The following ADCY5 variants were observed in gnomAD, a reference collection of about 807,000 sequenced individuals.
ADCY5 encodes the protein adenylate cyclase type 5.
ADCY5 carries 30 observed loss-of-function variants against 119.7 expected under a neutral mutation model. That is an observed-to-expected ratio of 0.25 (90% CI 0.19 to 0.34). ADCY5 has a LOEUF of 0.34. Ranked by LOEUF, ADCY5 falls within the 10% of genes least tolerant of loss-of-function variation. The pLI, the probability that ADCY5 is intolerant of heterozygous loss-of-function variation, is 1.00. For synonymous variants in ADCY5, 753 were observed against 762.2 expected, an observed-to-expected ratio of 0.99 and a Z score of 0.20; for missense variants, 1,324 against 1,775.2, an observed-to-expected ratio of 0.75 and a Z score of 4.57.
chr3:123,391,564 G>A (rs1944401509), intron 1 of ADCY5, among the ~76,000 whole-genome samples: 2 of 152,114 alleles, frequency 1.3e-5, no homozygotes, highest in Non-Finnish European at 2.9e-5. Flanking sequence ...GCTGTCTCCA[G>A]TTGCCTTGTT....
chr3:123,299,815 G>A (rs1005039483), intron 15 of ADCY5, among the ~76,000 whole-genome samples: 70 of 152,222 alleles, frequency 4.6e-4, no homozygotes, highest in African/African-American at 1.6e-3. Flanking sequence ...CTGCTGGACC[G>A]TGACTCCTCT....
intron 1 of ADCY5, among the ~76,000 whole-genome samples, chr3:123,359,362 A>ATATATATATATATATATATATATATATT (rs1943162312): frequency 7.8e-6 from 1 of 128,464 alleles, no homozygotes; most frequent in Admixed American, 7.8e-5. Flanking sequence ...ATATATATAT[A>ATATATATATATATATATATATATATATT]TTCATTATTT....
At chr3:123,335,350 C>T (rs1223530209) in intron 3 of ADCY5, among the ~76,000 whole-genome samples, 1 of 152,168 alleles carries the variant, frequency 6.6e-6, no homozygotes, top group African/African-American at 2.4e-5. Context: ...AGTCCTCTCC[C>T]GATCTGTTGG....
chr3:123,447,694 C>T lies in ADCY5; in HGVS notation c.852G>A (p.Met284Ile). 1 of 1,604,626 alleles carries T rather than the reference C, an allele frequency of 6.2e-7. No individual in the cohort carries two copies. Among genetic ancestry groups the T allele is most frequent in the Non-Finnish European group, 8.5e-7 (1 of 1,174,506 alleles). Residue 284 changes from methionine to isoleucine, a missense_variant, in exon 1 of 21, where the codon ATG becomes ATA. By Grantham distance (10) the Met-to-Ile change is conservative (BLOSUM62 1). This residue lies in a region of ADCY5 where 585 missense variants were observed against 569.9 expected (regional missense o/e 1.03). Coordinates refer to ENST00000462833, the MANE Select transcript of ADCY5 (RefSeq NM_183357.3). ...AGGCGGCGCGGTTGCAAAGCACAGC[C>T]ATGATGAGGATCACGCCGACGGCGG... ...LAAAVGVILI[M>I]AVLCNRAAFH...
intron 1 of ADCY5, among the ~76,000 whole-genome samples, chr3:123,438,338 T>C (rs1159707994): frequency 6.6e-6 from 1 of 152,198 alleles, no homozygotes. Flanking sequence ...TTTCCTAAAT[T>C]TATTTGACAC....
intron 1 of ADCY5, chr3:123,419,356 C>T: frequency 4.0e-6 from 1 of 249,502 alleles, no homozygotes; most frequent in Non-Finnish European, 6.4e-6. Context: ...CTCTTCCTCG[C>T]TTGCCAAATC....
chr3:123,393,369 G>C lies in ADCY5; in HGVS notation c.1135-40788C>G, dbSNP rs66733253. On this transcript the variant is annotated intron_variant, in intron 1 of 20. Transcript: ENST00000462833. The stretch of plus-strand genomic sequence containing the variant: ...GAGTTCAAAACCAGCCTGAGCAACA[G>C]AGCAAGACTCTGATTCCATAAAAAA... 8.0e-3 allele frequency among the ~76,000 whole-genome samples: 1,217 copies of C among 151,948 alleles called. 4 individuals carry two copies. The highest frequency in any genetic ancestry group is 0.011 in the Non-Finnish European group (765 of 67,968).
intron 5 of ADCY5, 105 bp from the exon 6 acceptor site, chr3:123,328,907 A>G (rs2108391963): frequency 8.3e-7 from 1 of 1,203,710 alleles, no homozygotes. Flanking sequence ...GGGGTCAAAG[A>G]GTCTTCTCTC....
At chr3:123,399,182 G>A (rs1576666668) in intron 1 of ADCY5, among the ~76,000 whole-genome samples, 1 of 152,342 alleles carries the variant, frequency 6.6e-6, no homozygotes, top group East Asian at 1.9e-4. Context: ...AGATTCCAAA[G>A]ACTTGATGTG....
chr3:123,302,248 A>G (rs1178943272), intron 14 of ADCY5, among the ~76,000 whole-genome samples: 1 of 152,256 alleles, frequency 6.6e-6, no homozygotes, highest in East Asian at 1.9e-4. Flanking sequence ...TGGCAAACGC[A>G]GTACCATGAA....
chr3:123,415,549 C>A (rs1038682678), intron 1 of ADCY5, among the ~76,000 whole-genome samples: 1 of 152,116 alleles, frequency 6.6e-6, no homozygotes, highest in Non-Finnish European at 1.5e-5. Flanking sequence ...TCTGCGGGAC[C>A]GTTTAGAAAA....
Position 123,352,613 on chromosome 3 carries a change from A to G in ADCY5, c.1135-32T>C, listed in dbSNP as rs1215964564. The G allele has an allele frequency of 6.3e-7, 1 of 1,582,096 alleles. No individual in the cohort carries two copies. The highest frequency in any genetic ancestry group is 8.6e-7 in the Non-Finnish European group (1 of 1,158,372). On this transcript the variant is annotated intron_variant, in intron 1 of 20. Transcript: ENST00000462833. This position sits in a 1 kb window ranked among gnomAD's most constrained non-coding sequence, Gnocchi z 4.8. ...AGGGAGAGAGGAGCACACCTAGCTC[A>G]GATCCTGACCTTCCTGGCCCCAAAG...
At chr3:123,378,440 G>C (rs1160328696) in intron 1 of ADCY5, among the ~76,000 whole-genome samples, 1 of 152,122 alleles carries the variant, frequency 6.6e-6, no homozygotes, top group East Asian at 1.9e-4. Flanking sequence ...TTGCAGAGAA[G>C]GCTCAAGGGG....
intron 2 of ADCY5, 46 bp from the exon 3 acceptor site, chr3:123,347,949 C>T (rs760702102): frequency 5.0e-6 from 8 of 1,610,890 alleles, no homozygotes; most frequent in Middle Eastern, 1.7e-4. Context: ...TTCTACCTGC[C>T]TGGCAAGTGC....
At chr3:123,365,291 G>C (rs1943393332) in intron 1 of ADCY5, among the ~76,000 whole-genome samples, 1 of 152,170 alleles carries the variant, frequency 6.6e-6, no homozygotes, top group Admixed American at 6.5e-5. Context: ...ATGTTCCCCT[G>C]TTATTACAAC....
At chr3:123,401,387 T>C (rs1432897262) in intron 1 of ADCY5, among the ~76,000 whole-genome samples, 2 of 152,158 alleles carry the variant, frequency 1.3e-5, no homozygotes, top group East Asian at 1.9e-4. Flanking sequence ...GGAATGGCCA[T>C]TCCTACCATC....
chr3:123,396,822 G>GAGAGAGAGAGAGAGAGAC (rs1553744380), intron 1 of ADCY5, among the ~76,000 whole-genome samples: 3 of 140,688 alleles, frequency 2.1e-5, no homozygotes, highest in African/African-American at 8.4e-5. Context: ...AGGCAGGCGA[G>GAGAGAGAGAGAGAGAGAC]AGAGAGAGAG....
At chr3:123,446,031 A>G (rs1220604632) in intron 1 of ADCY5, among the ~76,000 whole-genome samples, 2 of 152,190 alleles carry the variant, frequency 1.3e-5, no homozygotes, top group Non-Finnish European at 2.9e-5. Flanking sequence ...CTTGGGGCAG[A>G]GGACGTTAGA....
chr3:123,358,653 G>A (rs777750130), intron 1 of ADCY5, among the ~76,000 whole-genome samples: 1 of 152,144 alleles, frequency 6.6e-6, no homozygotes, highest in African/African-American at 2.4e-5. Flanking sequence ...GATGGGGTCC[G>A]AGTGGACAAG....
Sources: gnomAD v4.1 joint callset for allele counts (sites outside exome capture counted in the v4.1 genomes callset) on GRCh38, gnomAD v4.1.1 for gene constraint, gnomAD v4.1.1 regional missense constraint, Gnocchi (gnomAD v3.1) non-coding constraint, MANE v1.5 for transcripts, NCBI Gene and HGNC (gene_info 2026-07-23, HGNC 2026-07-21) for gene names.